Variants in TRPC1 observed in about 807,000 individuals in gnomAD.
TRPC1 encodes the protein transient receptor potential cation channel subfamily C member 1.
A neutral mutation model predicts 88.2 loss-of-function variants in TRPC1; 42 were observed. The ratio of observed to expected loss-of-function variants is 0.48; its 90% CI spans 0.37 to 0.62. The LOEUF (loss-of-function observed/expected upper bound fraction) is 0.62, where lower values mean the gene tolerates loss of function less well. Among genes scored for constraint, TRPC1 ranks in the 20% least tolerant of loss-of-function variants. The pLI is 0.00. For synonymous variants in TRPC1, 288 were observed against 331.8 expected, an observed-to-expected ratio of 0.87 and a Z score of 1.43; for missense variants, 699 against 957.3, an observed-to-expected ratio of 0.73 and a Z score of 3.56.
intron 3 of TRPC1, among the ~76,000 whole-genome samples, chr3:142,745,598 C>T (rs1214379092): frequency 6.6e-6 from 1 of 151,912 alleles, no homozygotes; most frequent in Admixed American, 6.6e-5. Context: ...GAGCTGAGAT[C>T]GAGCCGCTGC....
intron 5 of TRPC1, among the ~76,000 whole-genome samples, chr3:142,778,792 G>A (rs111462468): frequency 7.4e-4 from 112 of 152,094 alleles, no homozygotes; most frequent in Middle Eastern, 3.4e-3. Context: ...TTTAACAGCA[G>A]TACTTAATGT....
intron 7 of TRPC1, among the ~76,000 whole-genome samples, chr3:142,786,033 A>G (rs1293697142): frequency 1.3e-5 from 2 of 152,144 alleles, no homozygotes; most frequent in Admixed American, 6.5e-5. Context: ...ATCTTCTACA[A>G]TTTTTACTCG....
At chr3:142,801,899 A>G (rs1936629606) in intron 9 of TRPC1, among the ~76,000 whole-genome samples, 1 of 152,110 alleles carries the variant, frequency 6.6e-6, no homozygotes, top group Admixed American at 6.6e-5. Context: ...CTCTGCCTCT[A>G]TCTCCATAAC....
chr3:142,755,148 C>T (rs141165261), intron 4 of TRPC1, among the ~76,000 whole-genome samples: 3 of 152,124 alleles, frequency 2.0e-5, no homozygotes, highest in African/African-American at 4.8e-5. Context: ...TCTTGCTGGG[C>T]GCAGTGGCTC....
chr3:142,778,555 ATCCCTG>A (rs943025320), intron 5 of TRPC1, among the ~76,000 whole-genome samples: 4 of 152,322 alleles, frequency 2.6e-5, no homozygotes, highest in African/African-American at 9.6e-5. Flanking sequence ...ATGGAAAAGT[ATCCCTG>A]TTGCCCTCTA....
intron 4 of TRPC1, among the ~76,000 whole-genome samples, chr3:142,754,353 A>C (rs1360017729): frequency 6.6e-6 from 1 of 152,086 alleles, no homozygotes; most frequent in Non-Finnish European, 1.5e-5. Context: ...AAACTTGAGA[A>C]ACACCGGAAT....
Position 142,804,029 on chromosome 3 carries a change from G to A in TRPC1, c.1810G>A (p.Val604Met), listed in dbSNP as rs746137889. 6.2e-7 allele frequency: 1 copy of A among 1,613,780 alleles called. No individual in the cohort carries two copies. The highest frequency in any genetic ancestry group is 8.5e-7 in the Non-Finnish European group (1 of 1,179,832). The change falls in exon 11 of 13, where the codon GTG becomes ATG. Residue 604 changes from valine to methionine, a missense_variant. Physicochemically the swap from Val to Met is conservative, Grantham distance 21. Around this residue, in one of 4 missense-constraint regions of TRPC1, gnomAD observed 426 missense variants for 641.3 expected, o/e 0.66. Transcript: ENST00000476941. ...LFWYIFSLAH[V>M]AIFVTRFSYG... ...CTGGTATATTTTCTCCTTAGCGCATGTGGCAATCTTTGTCACAAGATTTAG... is the reference window on the plus strand; with the variant it reads ...CTGGTATATTTTCTCCTTAGCGCATATGGCAATCTTTGTCACAAGATTTAG...
At chr3:142,738,523 A>G (rs747795336) in intron 2 of TRPC1, among the ~76,000 whole-genome samples, 3 of 152,300 alleles carry the variant, frequency 2.0e-5, no homozygotes, top group African/African-American at 4.8e-5. Context: ...ATCTTGTGCT[A>G]TATCAGTGGT....
At position 142,741,064 on chromosome 3, in the gene TRPC1, G is replaced by A. The variant is rs541088760; in HGVS notation, c.328-2421G>A. Among the ~76,000 whole-genome samples, 174 of 151,788 alleles carry A rather than the reference G, an allele frequency of 1.1e-3. 4 individuals are homozygous for A. In the South Asian group the frequency reaches 0.035, roughly 31 times the overall value. On this transcript the variant is annotated intron_variant, in intron 2 of 12. Transcript: ENST00000476941. ...GAATTGTTGAAAAGATAAATTCTAA[G>A]GTAGGAAGGAAGATAATGATCTCAT...
At chr3:142,755,790 T>A (rs1934939886) in intron 4 of TRPC1, among the ~76,000 whole-genome samples, 2 of 152,310 alleles carry the variant, frequency 1.3e-5, no homozygotes, top group South Asian at 4.1e-4. Flanking sequence ...AAAGGCTTTT[T>A]TTACAGTGTG....
intron 12 of TRPC1, among the ~76,000 whole-genome samples, chr3:142,805,561 A>G (rs1395263063): frequency 1.3e-5 from 2 of 152,204 alleles, no homozygotes; most frequent in Non-Finnish European, 2.9e-5. Context: ...AACAGTAATA[A>G]CTTTTTAAAT....
At chr3:142,794,653 T>A (rs1936399110) in intron 9 of TRPC1, among the ~76,000 whole-genome samples, 1 of 152,124 alleles carries the variant, frequency 6.6e-6, no homozygotes, top group South Asian at 2.1e-4. Context: ...AAGAAAATTC[T>A]GGAGATCTGC....
chr3:142,804,557 T>C lies in TRPC1; in HGVS notation c.2081T>C (p.Met694Thr), dbSNP rs1294900369. 6.2e-7 allele frequency: 1 copy of C among 1,613,516 alleles called. No homozygotes were observed. Among genetic ancestry groups the C allele is most frequent in the East Asian group, 2.2e-5 (1 of 44,790 alleles). ...IIPSPKTICY[M>T]ISSLSKWICS... The stretch of plus-strand genomic sequence containing the variant: ...CCCTCACCAAAGACTATCTGCTATA[T>C]GATTAGTAGCCTCAGTAAGTGGATT... The change falls in exon 12 of 13, where the codon ATG (methionine) becomes ACG (threonine). Residue 694 changes from methionine (M) to threonine (T), a missense_variant. Met to Thr is a moderately conservative substitution (Grantham distance 81). Transcript: ENST00000476941.
In TRPC1 at chr3:142,776,192, C is replaced by T. The variant is rs1935762629; in HGVS notation, c.633-1440C>T. Among the ~76,000 whole-genome samples the T allele has an allele frequency of 1.3e-5, 2 of 151,944 alleles. No homozygotes were observed. Among genetic ancestry groups the T allele is most frequent in the East Asian group, 3.9e-4 (2 of 5,176 alleles). ...TTCCTTTATTATGTCTGATTATGTT[C>T]GTGTGTGAGTAGAAAATATCAGGGA... On this transcript the variant is annotated intron_variant, in intron 4 of 12. Coordinates refer to ENST00000476941, the MANE Select transcript of TRPC1 (RefSeq NM_001251845.2). The surrounding 1 kb of genome is among the most constrained non-coding windows in gnomAD (Gnocchi z 4.1).
At chr3:142,732,633 G>A in intron 1 of TRPC1, among the ~76,000 whole-genome samples, 1 of 151,964 alleles carries the variant, frequency 6.6e-6, no homozygotes, top group East Asian at 1.9e-4. Flanking sequence ...TTTAGAGAGG[G>A]GGCTAAGAAG....
intron 4 of TRPC1, among the ~76,000 whole-genome samples, chr3:142,750,507 T>C (rs527751542): frequency 1.3e-5 from 2 of 152,304 alleles, no homozygotes; most frequent in Admixed American, 1.3e-4. Flanking sequence ...GACAGTGTGG[T>C]GATTCCTCAA....
intron 4 of TRPC1, among the ~76,000 whole-genome samples, chr3:142,766,185 A>C (rs1222905846): frequency 6.6e-6 from 1 of 152,112 alleles, no homozygotes; most frequent in African/African-American, 2.4e-5. Flanking sequence ...CTGAATGTCA[A>C]CTCGATTGGA....
chr3:142,777,965 C>T (rs974241637), intron 5 of TRPC1, among the ~76,000 whole-genome samples: 2 of 152,148 alleles, frequency 1.3e-5, no homozygotes, highest in African/African-American at 4.8e-5. Flanking sequence ...TCCCCATCTG[C>T]CCTCTGCCAC....
Position 142,802,780 on chromosome 3 carries a change from C to A in TRPC1, c.1757+436C>A, listed in dbSNP as rs45497994. ...TTAGAATTGAGAATCATTAGAACTT[C>A]ATGAACATTTTTTTCTCTAATGTAT... On this transcript the variant is annotated intron_variant, in intron 10 of 12. Transcript: ENST00000476941. Among the ~76,000 whole-genome samples the A allele has an allele frequency of 2.0e-5, 3 of 151,956 alleles. No homozygotes were observed. The East Asian group carries it at 5.8e-4, about 29-fold the overall frequency.
Sources: allele counts gnomAD v4.1 joint callset (sites outside exome capture counted in the v4.1 genomes callset), GRCh38; gene constraint gnomAD v4.1.1; regional missense constraint gnomAD v4.1.1; non-coding constraint Gnocchi (gnomAD v3.1); transcripts MANE v1.5; gene names NCBI Gene and HGNC (gene_info 2026-07-23, HGNC 2026-07-21).